The following SMYD3 variants were observed in gnomAD, a reference collection of about 807,000 sequenced individuals.
SMYD3 encodes SET and MYND domain containing 3.
In SMYD3, 36 loss-of-function variants were observed where a neutral mutation model predicts 57.7. The ratio of observed to expected loss-of-function variants is 0.62; its 90% CI spans 0.48 to 0.82. SMYD3 has a LOEUF of 0.82. Ranked by LOEUF, SMYD3 falls within the 40% of genes least tolerant of loss-of-function variation. SMYD3 has a pLI of 0.00. For synonymous variants in SMYD3, 211 were observed against 195.0 expected, an observed-to-expected ratio of 1.08 and a Z score of -0.68; for missense variants, 515 against 538.8, an observed-to-expected ratio of 0.96 and a Z score of 0.44.
chr1:246,289,014 G>A (rs1197647), intron 5 of SMYD3, among the ~76,000 whole-genome samples: 2,273 of 152,064 alleles, frequency 0.015, 30 homozygotes, highest in African/African-American at 0.036. Flanking sequence ...ACTTGGGAGG[G>A]TGAGGCAGGA....
intron 5 of SMYD3, among the ~76,000 whole-genome samples, chr1:246,018,324 G>A (rs2059413049): frequency 6.6e-6 from 1 of 152,014 alleles, no homozygotes; most frequent in African/African-American, 2.4e-5. Flanking sequence ...CGGCTGCCAG[G>A]TTTCCACGTG....
intron 5 of SMYD3, among the ~76,000 whole-genome samples, chr1:246,157,053 A>G (rs1221498797): frequency 1.3e-5 from 2 of 152,224 alleles, no homozygotes; most frequent in Non-Finnish European, 2.9e-5. Context: ...TTCGCCTCAC[A>G]TCTGTTTGGA....
intron 5 of SMYD3, chr1:246,186,918 C>G: frequency 1.0e-6 from 1 of 985,426 alleles, no homozygotes; most frequent in Non-Finnish European, 1.2e-6. Flanking sequence ...TGCAAGAGGT[C>G]TCACGGAACA....
At chr1:246,209,073 T>C (rs1446038840) in intron 5 of SMYD3, among the ~76,000 whole-genome samples, 2 of 152,166 alleles carry the variant, frequency 1.3e-5, no homozygotes, top group Non-Finnish European at 2.9e-5. Context: ...TCACAGAATA[T>C]ACAAATTAAG....
intron 2 of SMYD3, among the ~76,000 whole-genome samples, chr1:246,336,599 G>A (rs959764327): frequency 1.3e-5 from 2 of 152,044 alleles, no homozygotes; most frequent in Non-Finnish European, 2.9e-5. Flanking sequence ...ATGGAAGGGG[G>A]AAAAAGGAAA....
chr1:246,485,654 G>T (rs569966365), intron 1 of SMYD3, among the ~76,000 whole-genome samples: 13 of 152,182 alleles, frequency 8.5e-5, no homozygotes, highest in Middle Eastern at 3.4e-3. Flanking sequence ...ATAGCTGGGG[G>T]TGGTGGTTCG....
At chr1:246,348,077 T>TATATATATATACACACATACATAC in intron 2 of SMYD3, among the ~76,000 whole-genome samples, 9 of 86,402 alleles carry the variant, frequency 1.0e-4, no homozygotes, top group Admixed American at 4.1e-4. Flanking sequence ...TATATATATA[T>TATATATATATACACACATACATAC]ACACACACAC....
At chr1:245,786,135 T>C (rs1386199444) in intron 10 of SMYD3, among the ~76,000 whole-genome samples, 1 of 133,830 alleles carries the variant, frequency 7.5e-6, no homozygotes, top group East Asian at 2.7e-4. Context: ...CTACAACTAT[T>C]ACCTAAAAAC....
At chr1:245,932,752 G>C (rs1462355404) in intron 5 of SMYD3, among the ~76,000 whole-genome samples, 1 of 152,068 alleles carries the variant, frequency 6.6e-6, no homozygotes, top group Non-Finnish European at 1.5e-5. Context: ...GCAGAGACAG[G>C]AGTCTTGCTA....
intron 1 of SMYD3, among the ~76,000 whole-genome samples, chr1:246,405,598 C>T (rs147557156): frequency 1.3e-5 from 2 of 152,032 alleles, no homozygotes; most frequent in East Asian, 1.9e-4. Context: ...TGTTTACTGT[C>T]GCACAGCGAT....
intron 1 of SMYD3, among the ~76,000 whole-genome samples, chr1:246,494,514 A>G (rs575365261): frequency 1.3e-5 from 2 of 152,226 alleles, no homozygotes; most frequent in Non-Finnish European, 2.9e-5. Context: ...CCAATGATTC[A>G]TAGATTTTAA....
intron 5 of SMYD3, among the ~76,000 whole-genome samples, chr1:246,097,166 C>G (rs566055280): frequency 6.6e-6 from 1 of 152,230 alleles, no homozygotes; most frequent in African/African-American, 2.4e-5. Flanking sequence ...TGTTTTCTCC[C>G]CAGGAACAGA....
intron 8 of SMYD3, among the ~76,000 whole-genome samples, chr1:245,882,035 C>T (rs1265918672): frequency 1.3e-5 from 2 of 152,172 alleles, no homozygotes; most frequent in Non-Finnish European, 2.9e-5. Flanking sequence ...GGAAGTTGCT[C>T]AAGAGCTACC....
At chr1:246,150,805 C>T (rs1337214193) in intron 5 of SMYD3, among the ~76,000 whole-genome samples, 1 of 152,204 alleles carries the variant, frequency 6.6e-6, no homozygotes, top group Non-Finnish European at 1.5e-5. Context: ...ATCCCAATGG[C>T]TTACTCACTT....
At chr1:246,064,810 C>T (rs1034707306) in intron 5 of SMYD3, among the ~76,000 whole-genome samples, 1 of 152,256 alleles carries the variant, frequency 6.6e-6, no homozygotes. Flanking sequence ...GGCACAGACA[C>T]TGGGAACCGT....
At chr1:246,159,804 A>T (rs1351673050) in intron 5 of SMYD3, among the ~76,000 whole-genome samples, 1 of 152,024 alleles carries the variant, frequency 6.6e-6, no homozygotes, top group Non-Finnish European at 1.5e-5. Context: ...AGGGCTCGCC[A>T]GGTCCTGGAG....
intron 5 of SMYD3, among the ~76,000 whole-genome samples, chr1:246,319,827 G>A (rs1207121684): frequency 2.0e-5 from 3 of 152,132 alleles, no homozygotes; most frequent in Non-Finnish European, 2.9e-5. Flanking sequence ...CTTTGTTCTC[G>A]CTTTTTATTG....
intron 1 of SMYD3, among the ~76,000 whole-genome samples, chr1:246,466,525 G>A (rs987702924): frequency 1.3e-5 from 2 of 152,188 alleles, no homozygotes; most frequent in African/African-American, 4.8e-5. Flanking sequence ...GGGCCTCCTT[G>A]AGGGTGGAGG....
At chr1:246,184,207 C>A (rs920928402) in intron 5 of SMYD3, among the ~76,000 whole-genome samples, 12 of 152,218 alleles carry the variant, frequency 7.9e-5, no homozygotes, top group African/African-American at 2.9e-4. Flanking sequence ...GATATTGTTA[C>A]ACATGCTGAA....
Sources: gnomAD v4.1 joint callset for allele counts (sites outside exome capture counted in the v4.1 genomes callset) on GRCh38, gnomAD v4.1.1 for gene constraint, MANE v1.5 for transcripts, NCBI Gene and HGNC (gene_info 2026-07-23, HGNC 2026-07-21) for gene names.